ZNF585A: variants seen among roughly 807,000 people sequenced by gnomAD.
ZNF585A encodes the protein zinc finger protein 585A.
In ZNF585A, 9 loss-of-function variants were observed where a neutral mutation model predicts 14.9. The observed-to-expected ratio is 0.60, with a 90% CI of 0.36 to 1.05. The LOEUF (loss-of-function observed/expected upper bound fraction) is 1.05. Ranked by LOEUF, ZNF585A falls within the 50% of genes least tolerant of loss-of-function variation. The pLI, the probability that ZNF585A is intolerant of heterozygous loss-of-function variation, is 0.01. For missense variants in ZNF585A, 726 were observed against 926.4 expected (o/e 0.78, Z 2.81); for synonymous variants, 276 against 319.9 (o/e 0.86, Z 1.46).
intron 2 of ZNF585A, among the ~76,000 whole-genome samples, chr19:37,162,957 CTTGT>C (rs926372830): frequency 3.9e-5 from 6 of 152,080 alleles, no homozygotes; most frequent in Admixed American, 3.9e-4. Context: ...CAAACCTGCC[CTTGT>C]ACCTATAAAC....
Position 37,151,948 on chromosome 19 carries a change from T to G in ZNF585A, c.1951A>C (p.Lys651Gln). The G allele has an allele frequency of 6.2e-7, 1 of 1,613,798 alleles. No individual in the cohort carries two copies. Among genetic ancestry groups the G allele is most frequent in the Non-Finnish European group, 8.5e-7 (1 of 1,179,946 alleles). ...KAFSGRSNLS[K>Q]HQKTHTGEKP... ...TCTCCGGTATGAGTTTTCTGGTGCT[T>G]ACTGAGATTTGACCTGCCACTAAAG... The change falls in exon 5 of 5, where the codon AAG becomes CAG. Residue 651 changes from lysine to glutamine, a missense_variant. By Grantham distance (53) the Lys-to-Gln change is moderately conservative (BLOSUM62 1). Coordinates refer to ENST00000292841, the MANE Select transcript of ZNF585A (RefSeq NM_001288800.2).
At chr19:37,163,553 T>A (rs1972042598) in intron 2 of ZNF585A, among the ~76,000 whole-genome samples, 1 of 151,106 alleles carries the variant, frequency 6.6e-6, no homozygotes, top group African/African-American at 2.4e-5. Context: ...GTGAGCAACA[T>A]GAGACGGAAA....
At chr19:37,162,958 T>A (rs1972033675) in intron 2 of ZNF585A, among the ~76,000 whole-genome samples, 1 of 152,096 alleles carries the variant, frequency 6.6e-6, no homozygotes, top group Non-Finnish European at 1.5e-5. Flanking sequence ...AAACCTGCCC[T>A]TGTACCTATA....
chr19:37,151,813 C>T lies in ZNF585A; in HGVS notation c.2086G>A (p.Gly696Arg). ...TGTGATTTTTTAGTGAAAGACTTCC[C>T]ACAGTCACTGCACTCATAAGGTTTC... ...GEKPYECSDCGKSFTKKSQLQ... is the reference protein window; with the variant it reads ...GEKPYECSDCRKSFTKKSQLQ... The change falls in exon 5 of 5, where the codon GGG becomes AGG. Residue 696 changes from glycine (G) to arginine (R), a missense_variant. Around this residue, in one of 2 missense-constraint regions of ZNF585A, gnomAD observed 243 missense variants for 383.6 expected, o/e 0.63. Transcript: ENST00000292841. The T allele has an allele frequency of 1.9e-6, 3 of 1,612,602 alleles. No individual in the cohort carries two copies. Among genetic ancestry groups the T allele is most frequent in the Non-Finnish European group, 2.5e-6 (3 of 1,179,208 alleles).
intron 2 of ZNF585A, among the ~76,000 whole-genome samples, chr19:37,162,645 GC>G (rs1972029767): frequency 6.6e-6 from 1 of 152,144 alleles, no homozygotes; most frequent in African/African-American, 2.4e-5. Flanking sequence ...ATACTATGCA[GC>G]CATAAAAGAG....
chr19:37,150,576 A>C lies in ZNF585A; in HGVS notation c.*1013T>G, dbSNP rs1002635619. On this transcript the variant is annotated 3_prime_UTR_variant, in exon 5 of 5. Coordinates refer to ENST00000292841, the MANE Select transcript of ZNF585A (RefSeq NM_001288800.2). Reference sequence around the variant, plus strand: ...CCAGAAACTGTTTCCGGAATTGATGAAGTGTGACACACATAAGAGTAAGGT... The same window carrying C: ...CCAGAAACTGTTTCCGGAATTGATGCAGTGTGACACACATAAGAGTAAGGT... 2 of 152,186 alleles carry C rather than the reference A, an allele frequency of 1.3e-5. No homozygotes were observed. Among genetic ancestry groups the C allele is most frequent in the African/African-American group, 4.8e-5 (2 of 41,436 alleles). The allele number at this position is 152,186 out of a possible 1,614,324, so 9.4% of individuals were successfully genotyped here.
intron 2 of ZNF585A, among the ~76,000 whole-genome samples, chr19:37,161,804 A>T (rs984784992): frequency 6.6e-5 from 10 of 151,782 alleles, no homozygotes. Context: ...TTATTCTAAG[A>T]AAAAAAAAGT....
intron 2 of ZNF585A, among the ~76,000 whole-genome samples, chr19:37,159,432 T>C (rs1971981600): frequency 1.3e-5 from 2 of 152,172 alleles, no homozygotes; most frequent in Admixed American, 1.3e-4. Flanking sequence ...TAACTTGGAA[T>C]TGCACAATGA....
At chr19:37,166,099 C>T (rs1170126561) in intron 2 of ZNF585A, among the ~76,000 whole-genome samples, 6 of 151,678 alleles carry the variant, frequency 4.0e-5, no homozygotes, top group East Asian at 1.9e-4. Context: ...CTGCAACCTC[C>T]GCCTCCCAGG....
At chr19:37,158,538 GAAC>G (rs1305677551) in intron 2 of ZNF585A, among the ~76,000 whole-genome samples, 2 of 152,166 alleles carry the variant, frequency 1.3e-5, no homozygotes, top group Non-Finnish European at 2.9e-5. Flanking sequence ...GAAACGTACT[GAAC>G]AATATGAAGA....
intron 2 of ZNF585A, among the ~76,000 whole-genome samples, chr19:37,166,619 C>T (rs1285578726): frequency 1.3e-5 from 2 of 151,530 alleles, no homozygotes; most frequent in Non-Finnish European, 2.9e-5. Context: ...GCTGCACAGT[C>T]TTTGATTATG....
At chr19:37,171,591 T>C (rs1159316045) in intron 1 of ZNF585A, among the ~76,000 whole-genome samples, 1 of 152,198 alleles carries the variant, frequency 6.6e-6, no homozygotes, top group African/African-American at 2.4e-5. Context: ...TACTTAGTCA[T>C]ATCTATAAAG....
chr19:37,166,025 T>C (rs1469755749), intron 2 of ZNF585A, among the ~76,000 whole-genome samples: 1 of 152,214 alleles, frequency 6.6e-6, no homozygotes, highest in Non-Finnish European at 1.5e-5. Flanking sequence ...GTTACATTCT[T>C]TTGTCTTTTT....
intron 2 of ZNF585A, among the ~76,000 whole-genome samples, chr19:37,158,166 A>G (rs1971960778): frequency 6.6e-6 from 1 of 152,170 alleles, no homozygotes. Flanking sequence ...GATTACTGGC[A>G]TGAGCTACTT....
chr19:37,157,227 A>G (rs1045299493), intron 2 of ZNF585A, among the ~76,000 whole-genome samples: 2 of 152,150 alleles, frequency 1.3e-5, no homozygotes, highest in African/African-American at 4.8e-5. Flanking sequence ...AATTTCTGCT[A>G]TTTGTTCTGT....
At chr19:37,161,552 A>G (rs1376798602) in intron 2 of ZNF585A, among the ~76,000 whole-genome samples, 1 of 152,146 alleles carries the variant, frequency 6.6e-6, no homozygotes, top group Non-Finnish European at 1.5e-5. Flanking sequence ...ATTTTTTTCA[A>G]TAAAAGTTAC....
chr19:37,167,514 C>T (rs1178420312), intron 2 of ZNF585A, among the ~76,000 whole-genome samples: 1 of 152,134 alleles, frequency 6.6e-6, no homozygotes, highest in African/African-American at 2.4e-5. Flanking sequence ...TAAAAGTTGC[C>T]ATTTTAATAT....
chr19:37,161,786 A>G (rs1026248188), intron 2 of ZNF585A, among the ~76,000 whole-genome samples: 1 of 152,144 alleles, frequency 6.6e-6, no homozygotes, highest in Non-Finnish European at 1.5e-5. Context: ...TTTTTTCTCT[A>G]GCTTACTTTA....
At chr19:37,157,463 A>G (rs1254860235) in intron 2 of ZNF585A, among the ~76,000 whole-genome samples, 2 of 152,218 alleles carry the variant, frequency 1.3e-5, no homozygotes, top group Non-Finnish European at 2.9e-5. Flanking sequence ...AAGAAGACAT[A>G]ACAAATTCAT....
Sources: allele counts gnomAD v4.1 joint callset (sites outside exome capture counted in the v4.1 genomes callset), GRCh38; gene constraint gnomAD v4.1.1; regional missense constraint gnomAD v4.1.1; transcripts MANE v1.5; gene names NCBI Gene and HGNC (gene_info 2026-07-23, HGNC 2026-07-21).